Variants in SPAG6 observed in about 807,000 individuals in gnomAD.
SPAG6 encodes the protein sperm-associated antigen 6.
SPAG6 carries 49 observed loss-of-function variants against 58.5 expected under a neutral mutation model. That is an observed-to-expected ratio of 0.84 (90% CI 0.67 to 1.06). The LOEUF (loss-of-function observed/expected upper bound fraction) is 1.06, where lower values mean the gene tolerates loss of function less well. Ranked by LOEUF, SPAG6 falls within the 50% of genes least tolerant of loss-of-function variation. The pLI is 0.00. For missense variants in SPAG6, 560 were observed against 611.3 expected (o/e 0.92, Z 0.89); for synonymous variants, 233 against 225.6 (o/e 1.03, Z -0.29).
chr10:22,376,824 C>T (rs1335185762), intron 4 of SPAG6, among the ~76,000 whole-genome samples: 1 of 151,946 alleles, frequency 6.6e-6, no homozygotes, highest in Non-Finnish European at 1.5e-5. Context: ...GTGTCTTATG[C>T]CTATAGTCCC....
In SPAG6 at chr10:22,401,168, A is replaced by G. The variant is rs1834404073; in HGVS notation, c.1205A>G (p.Lys402Arg). ...TCTGCTTTGTATTTCTAGAGTAAAA[A>G]AGCCATAAAGAATATCCTGCAAAAA... The part of the protein sequence containing the change: ...SSEDLQVKSK[K>R]AIKNILQKCT... Residue 402 changes from lysine (K) to arginine (R), a missense_variant, in exon 9 of 11, where the codon AAA (lysine) becomes AGA (arginine). Physicochemically the swap from Lys to Arg is conservative, Grantham distance 26. Coordinates refer to ENST00000376624, the MANE Select transcript of SPAG6 (RefSeq NM_012443.4). 6.5e-7 allele frequency: 1 copy of G among 1,531,276 alleles called. No homozygotes were observed. Among genetic ancestry groups the G allele is most frequent in the Non-Finnish European group, 9.0e-7 (1 of 1,105,358 alleles). 94.9% of individuals were successfully genotyped at this position (1,531,276 alleles called of 1,614,324 possible). A position where few individuals can be genotyped will look rare whatever the true frequency, so the allele number is the denominator to read the frequency against.
intron 4 of SPAG6, among the ~76,000 whole-genome samples, chr10:22,368,923 G>T (rs1837270974): frequency 6.6e-6 from 1 of 152,094 alleles, no homozygotes; most frequent in Non-Finnish European, 1.5e-5. Context: ...AAAGGAGAGA[G>T]GGGTGGCAGC....
intron 4 of SPAG6, among the ~76,000 whole-genome samples, chr10:22,378,122 G>A (rs562537941): frequency 1.1e-4 from 16 of 145,504 alleles, no homozygotes; most frequent in South Asian, 2.2e-4. Flanking sequence ...GGAGTGCAGC[G>A]GTGCAATCTC....
chr10:22,397,777 T>C (rs2132098137), intron 8 of SPAG6, among the ~76,000 whole-genome samples: 1 of 152,240 alleles, frequency 6.6e-6, no homozygotes, highest in African/African-American at 2.4e-5. Context: ...AAATAAATTA[T>C]GAGACATTCC....
intron 4 of SPAG6, among the ~76,000 whole-genome samples, chr10:22,384,423 T>G (rs1048476764): frequency 1.1e-4 from 17 of 152,352 alleles, no homozygotes; most frequent in African/African-American, 4.1e-4. Flanking sequence ...AAAAGAGTAG[T>G]GATAGGTCAG....
intron 4 of SPAG6, among the ~76,000 whole-genome samples, chr10:22,375,637 G>A (rs1433178694): frequency 6.7e-6 from 1 of 150,082 alleles, no homozygotes; most frequent in Non-Finnish European, 1.5e-5. Context: ...CCATGTTGGA[G>A]TGCAATGGTG....
rs113455211 is a variant in SPAG6, at chr10:22,346,164, C to T, written c.121+346C>T. The T allele has an allele frequency of 5.3e-4, 644 of 1,209,690 alleles. 7 individuals are homozygous for T. The highest frequency in any genetic ancestry group is 5.3e-3 in the African/African-American group (336 of 63,956). 74.9% of individuals were successfully genotyped at this position (1,209,690 alleles called of 1,614,324 possible). Reference sequence around the variant, plus strand: ...AGTGCCATTTTGCATGCCACCCTGCCTTTGATCACCTTCGACTTCCTCACA... The same window carrying T: ...AGTGCCATTTTGCATGCCACCCTGCTTTTGATCACCTTCGACTTCCTCACA... On this transcript the variant is annotated intron_variant, in intron 2 of 10. Transcript: ENST00000376624.
At chr10:22,369,387 TAAG>T (rs1008038270) in intron 4 of SPAG6, among the ~76,000 whole-genome samples, 6 of 152,142 alleles carry the variant, frequency 3.9e-5, no homozygotes, top group South Asian at 2.1e-4. Flanking sequence ...ACAAATAACA[TAAG>T]AAGAAAATAC....
At chr10:22,387,296 C>A (rs1349348611) in intron 5 of SPAG6, among the ~76,000 whole-genome samples, 3 of 152,188 alleles carry the variant, frequency 2.0e-5, no homozygotes, top group East Asian at 1.9e-4. Flanking sequence ...ATGGAAATTG[C>A]AATATTTATC....
intron 2 of SPAG6, among the ~76,000 whole-genome samples, chr10:22,346,488 T>TTCC (rs1836550150): frequency 1.5e-5 from 2 of 132,338 alleles, no homozygotes; most frequent in South Asian, 2.1e-4. Context: ...CTTCTTCTTC[T>TTCC]TCTTCTTCTT....
At chr10:22,414,876 C>T (rs1043857363) in intron 10 of SPAG6, among the ~76,000 whole-genome samples, 1 of 152,194 alleles carries the variant, frequency 6.6e-6, no homozygotes, top group Non-Finnish European at 1.5e-5. Flanking sequence ...AAGCAATTCT[C>T]CTGCCTCAGC....
rs534550817 is a variant in SPAG6 at position 22,414,664 on chromosome 10, A to G, written c.1461-1955A>G. Among the ~76,000 whole-genome samples the G allele has an allele frequency of 2.0e-5, 3 of 152,258 alleles. No individual in the cohort carries two copies. The South Asian group carries it at 6.2e-4, about 31-fold the overall frequency. On this transcript the variant is annotated intron_variant, in intron 10 of 10. Coordinates refer to ENST00000376624, the MANE Select transcript of SPAG6 (RefSeq NM_012443.4). ...ATTTTTAATATTGAATTTAAAATTT[A>G]TAAACTGACACTTGATTCAGTTATT...
chr10:22,346,863 G>T (rs1046232671), intron 2 of SPAG6, among the ~76,000 whole-genome samples: 2 of 152,116 alleles, frequency 1.3e-5, no homozygotes, highest in African/African-American at 4.8e-5. Context: ...ACGCATTTTA[G>T]TTTGAAATAA....
At chr10:22,411,551 T>C (rs753656922) in intron 10 of SPAG6, 30 of 156,182 alleles carry the variant, frequency 1.9e-4, no homozygotes, top group Non-Finnish European at 4.2e-4. Context: ...TAAGCTCACA[T>C]TTACATTAAT....
intron 10 of SPAG6, 55 bp downstream of exon 10, chr10:22,411,231 C>A: frequency 6.8e-7 from 1 of 1,479,932 alleles, no homozygotes; most frequent in Non-Finnish European, 9.2e-7. Flanking sequence ...TTTCTGTTTT[C>A]ACATCTAGGT....
intron 2 of SPAG6, among the ~76,000 whole-genome samples, chr10:22,352,123 T>C (rs1215428988): frequency 6.6e-6 from 1 of 151,974 alleles, no homozygotes; most frequent in Non-Finnish European, 1.5e-5. Flanking sequence ...ATCGCTCCAC[T>C]GTGCTCCAGC....
chr10:22,386,728 C>T (rs1315376841), intron 4 of SPAG6, 26 bp from the exon 5 acceptor site: 2 of 1,597,402 alleles, frequency 1.3e-6, no homozygotes, highest in South Asian at 2.2e-5. Context: ...CCCATACTCA[C>T]TTAATTACTT....
At chr10:22,347,191 A>G (rs1836586327) in intron 2 of SPAG6, among the ~76,000 whole-genome samples, 2 of 152,182 alleles carry the variant, frequency 1.3e-5, no homozygotes, top group Admixed American at 1.3e-4. Flanking sequence ...AACCCTGGAC[A>G]ACCACTAATC....
chr10:22,372,384 G>T (rs1384327312), intron 4 of SPAG6, among the ~76,000 whole-genome samples: 1 of 152,166 alleles, frequency 6.6e-6, no homozygotes, highest in African/African-American at 2.4e-5. Context: ...TTTGGAAAGG[G>T]TGCCTGGAGA....
Sources: gnomAD v4.1 joint callset for allele counts (sites outside exome capture counted in the v4.1 genomes callset) on GRCh38, gnomAD v4.1.1 for gene constraint, MANE v1.5 for transcripts, NCBI Gene and HGNC (gene_info 2026-07-23, HGNC 2026-07-21) for gene names.